Variants in SEC16A observed in about 807,000 individuals in gnomAD.
SEC16A encodes SEC16 homolog A, endoplasmic reticulum export factor.
A neutral mutation model predicts 221.9 loss-of-function variants in SEC16A; 110 were observed. The ratio of observed to expected loss-of-function variants is 0.50; its 90% CI spans 0.42 to 0.58. The LOEUF is 0.58. Ranked by LOEUF, SEC16A falls within the 20% of genes least tolerant of loss-of-function variation. The pLI, the probability that SEC16A is intolerant of heterozygous loss-of-function variation, is 0.00. For missense variants in SEC16A, 3,165 were observed against 3,097.8 expected (o/e 1.02, Z -0.52); for synonymous variants, 1,393 against 1,257.7 (o/e 1.11, Z -2.28).
chr9:136,483,202 TCC>T (rs1842641535), upstream of SEC16A: 1 of 105,880 alleles, frequency 9.4e-6, no homozygotes, highest in Non-Finnish European at 1.5e-5. Context: ...GCGTCCGTCC[TCC>T]CCGCCTCATC....
At chr9:136,449,422 G>A (rs1488628082) in intron 23 of SEC16A, among the ~76,000 whole-genome samples, 2 of 152,204 alleles carry the variant, frequency 1.3e-5, no homozygotes, top group Non-Finnish European at 2.9e-5. Context: ...GCTAATTTTT[G>A]TATTTTTAGT....
intron 23 of SEC16A, among the ~76,000 whole-genome samples, chr9:136,450,863 C>G (rs1837690587): frequency 6.6e-6 from 1 of 152,212 alleles, no homozygotes; most frequent in South Asian, 2.1e-4. Context: ...AAGGAGGCTC[C>G]TGGGGCCTGA....
At chr9:136,480,613 C>T (rs1842196806) in intron 1 of SEC16A, among the ~76,000 whole-genome samples, 1 of 152,110 alleles carries the variant, frequency 6.6e-6, no homozygotes. Flanking sequence ...CAGGGGTGGC[C>T]GGGCACGGTG....
chr9:136,465,580 T>A (rs1840032464), intron 8 of SEC16A, among the ~76,000 whole-genome samples: 1 of 152,260 alleles, frequency 6.6e-6, no homozygotes, highest in Admixed American at 6.5e-5. Context: ...GAACTCTGAC[T>A]GACACGCGGG....
intron 31 of SEC16A, among the ~76,000 whole-genome samples, chr9:136,442,883 G>T (rs1032232414): frequency 6.6e-6 from 1 of 152,226 alleles, no homozygotes; most frequent in Admixed American, 6.5e-5. Context: ...AGTCACCCTG[G>T]GACCTTTCTG....
At chr9:136,482,138 G>A (rs1251338312) in intron 1 of SEC16A, among the ~76,000 whole-genome samples, 2 of 152,214 alleles carry the variant, frequency 1.3e-5, no homozygotes, top group Non-Finnish European at 2.9e-5. Flanking sequence ...CAAGATACCA[G>A]CACCTGAAAC....
At position 136,476,998 on chromosome 9, in the gene SEC16A, C is replaced by CT; in HGVS notation, c.617dup (p.Pro207AlafsTer28). 6.2e-7 allele frequency: 1 copy of CT among 1,613,450 alleles called. No homozygotes were observed. Among genetic ancestry groups the CT allele is most frequent in the Non-Finnish European group, 8.5e-7 (1 of 1,179,894 alleles). On this transcript the variant is annotated frameshift_variant, in exon 3 of 32. Transcript: ENST00000684901. LOFTEE classifies it high-confidence loss of function. ...ACTGTCCTGGCATCTGCAGACCAGG[C>CT]TGAGGGAGGGAAGGGGATGCTGCTG...
chr9:136,458,399 T>C (rs1345887509), intron 17 of SEC16A, among the ~76,000 whole-genome samples: 11 of 133,106 alleles, frequency 8.3e-5, no homozygotes, highest in Non-Finnish European at 1.6e-4. Context: ...GAGGCTGAGG[T>C]GGGCAGATCA....
At chr9:136,453,327 T>C (rs1303762708) in intron 22 of SEC16A, 101 bp downstream of exon 22, 7 of 799,674 alleles carry the variant, frequency 8.8e-6, no homozygotes, top group Admixed American at 2.2e-5. Context: ...AACAATTTCA[T>C]AGTCCTCACT....
In SEC16A at chr9:136,444,391, G is replaced by A. The variant is rs369535240; in HGVS notation, c.6928-491C>T. Among the ~76,000 whole-genome samples the A allele has an allele frequency of 5.3e-5, 8 of 152,314 alleles. No homozygotes were observed. The East Asian group carries it at 1.2e-3, about 22-fold the overall frequency. ...GCACCCGCCCCGGCCTCAAACCAACGTTCTCATGCTTGATCAGAAAGGAGC... is the reference window on the plus strand; with the variant it reads ...GCACCCGCCCCGGCCTCAAACCAACATTCTCATGCTTGATCAGAAAGGAGC... On this transcript the variant is annotated intron_variant, in intron 30 of 31. Transcript: ENST00000684901.
rs377511708 is a variant in SEC16A, at chr9:136,453,461, G to A, written c.6126C>T (p.Ser2042=). Residue 2042 remains serine (S), a synonymous_variant, in exon 22 of 32, where the codon AGC becomes AGT. Transcript: ENST00000684901. ...CAAATTTTCCATCAAAATTTTCTTCGCTTAGCTCGGAAAGTGAGTTTCCAA... is the reference window on the plus strand; with the variant it reads ...CAAATTTTCCATCAAAATTTTCTTCACTTAGCTCGGAAAGTGAGTTTCCAA... ...APVGNSLSEL[S]EENFDGKFAN... The A allele has an allele frequency of 9.9e-6, 16 of 1,613,168 alleles. No individual in the cohort carries two copies. In the African/African-American group the frequency reaches 1.2e-4, roughly 12 times the overall value.
chr9:136,449,625 C>T (rs1031064682), intron 23 of SEC16A, among the ~76,000 whole-genome samples: 2 of 152,174 alleles, frequency 1.3e-5, no homozygotes, highest in Non-Finnish European at 2.9e-5. Context: ...TGTGAGCCGC[C>T]ATGCCCGGCC....
intron 4 of SEC16A, among the ~76,000 whole-genome samples, chr9:136,471,047 G>A (rs532379990): frequency 1.7e-4 from 26 of 152,070 alleles, no homozygotes; most frequent in Middle Eastern, 3.4e-3. Flanking sequence ...GGCCCAGGAG[G>A]ACTCTGACCT....
intron 30 of SEC16A, among the ~76,000 whole-genome samples, chr9:136,444,612 T>C (rs1482807532): frequency 6.6e-6 from 1 of 152,084 alleles, no homozygotes; most frequent in Non-Finnish European, 1.5e-5. Context: ...TTTAAGGCCA[T>C]TTAAAGGAAC....
chr9:136,483,571 G>A (rs926826029), upstream of SEC16A: 44 of 985,032 alleles, frequency 4.5e-5, no homozygotes, highest in Middle Eastern at 5.2e-4. Context: ...CCAGTACGTC[G>A]CCCTGTTTAC....
intron 22 of SEC16A, among the ~76,000 whole-genome samples, chr9:136,453,211 G>T (rs1838125026): frequency 6.6e-6 from 1 of 152,062 alleles, no homozygotes; most frequent in Admixed American, 6.5e-5. Flanking sequence ...TTACACTACT[G>T]AATTCTCTCT....
Position 136,464,497 on chromosome 9 carries a change from C to T in SEC16A, c.4369G>A (p.Gly1457Ser), listed in dbSNP as rs1839903810. 6.2e-7 allele frequency: 1 copy of T among 1,612,836 alleles called. No homozygotes were observed. The highest frequency in any genetic ancestry group is 8.5e-7 in the Non-Finnish European group (1 of 1,178,952). ...VPHVCARFGP[G>S]GQLIKVIPNL... Reference sequence around the variant, plus strand: ...GGAATCACTTTGATAAGCTGACCGCCAGGGCCAAACCTGGCACAGACATGA... The same window carrying T: ...GGAATCACTTTGATAAGCTGACCGCTAGGGCCAAACCTGGCACAGACATGA... Residue 1457 changes from glycine to serine, a missense_variant, in exon 9 of 32, where the codon GGC becomes AGC. Coordinates refer to ENST00000684901, the MANE Select transcript of SEC16A (RefSeq NM_014866.2).
At position 136,441,712 on chromosome 9, in the gene SEC16A, A is replaced by G; in HGVS notation, c.*43T>C. On this transcript the variant is annotated 3_prime_UTR_variant, in exon 32 of 32. Transcript: ENST00000684901. Reference sequence around the variant, plus strand: ...GTCGGTCGGGTTCTTCGGGGAGAACAGCAGCGTCAGGGCTCCAAGTGCAAG... The same window carrying G: ...GTCGGTCGGGTTCTTCGGGGAGAACGGCAGCGTCAGGGCTCCAAGTGCAAG... 1.9e-6 allele frequency: 3 copies of G among 1,586,502 alleles called. No homozygotes were observed. Among genetic ancestry groups the G allele is most frequent in the Non-Finnish European group, 8.7e-7 (1 of 1,155,710 alleles).
At chr9:136,470,597 A>G (rs1009816376) in intron 4 of SEC16A, among the ~76,000 whole-genome samples, 7 of 152,220 alleles carry the variant, frequency 4.6e-5, no homozygotes, top group African/African-American at 1.7e-4. Context: ...TACAGCCTCC[A>G]GAGAGGTGAA....
Sources: allele counts gnomAD v4.1 joint callset (sites outside exome capture counted in the v4.1 genomes callset), GRCh38; gene constraint gnomAD v4.1.1; transcripts MANE v1.5; gene names NCBI Gene and HGNC (gene_info 2026-07-23, HGNC 2026-07-21).